The following LYPD6 variants were observed in gnomAD, a reference collection of about 807,000 sequenced individuals.
The protein encoded by LYPD6 is LY6/PLAUR domain containing 6.
LYPD6 carries 15 observed loss-of-function variants against 22.7 expected under a neutral mutation model. The observed-to-expected ratio is 0.66, with a 90% CI of 0.44 to 1.02. The LOEUF (loss-of-function observed/expected upper bound fraction) is 1.02, where lower values mean the gene tolerates loss of function less well. Among genes scored for constraint, LYPD6 ranks in the 50% least tolerant of loss-of-function variants. The pLI is 0.00. For missense variants in LYPD6, 189 were observed against 208.4 expected (o/e 0.91, Z 0.57); for synonymous variants, 72 against 77.5 (o/e 0.93, Z 0.37).
At chr2:149,443,681 A>G (rs951775325) in intron 2 of LYPD6, among the ~76,000 whole-genome samples, 1 of 152,148 alleles carries the variant, frequency 6.6e-6, no homozygotes, top group Non-Finnish European at 1.5e-5. Context: ...AATATCTGCA[A>G]GAGTATTGCA....
chr2:149,433,471 CCATA>C (rs1683361041), intron 1 of LYPD6, among the ~76,000 whole-genome samples: 1 of 152,088 alleles, frequency 6.6e-6, no homozygotes, highest in East Asian at 1.9e-4. Context: ...GGAGATATTG[CCATA>C]CAGTCAGGAA....
chr2:149,394,056 AGC>A (rs1393032611), intron 1 of LYPD6, among the ~76,000 whole-genome samples: 1 of 152,234 alleles, frequency 6.6e-6, no homozygotes, highest in African/African-American at 2.4e-5. Context: ...TTCGGTCATT[AGC>A]TTACACTGTC....
At chr2:149,346,675 A>G (rs963050531) in intron 1 of LYPD6, among the ~76,000 whole-genome samples, 2 of 152,204 alleles carry the variant, frequency 1.3e-5, no homozygotes, top group African/African-American at 4.8e-5. Flanking sequence ...CTTACTGACT[A>G]GTAAGTCTCT....
intron 1 of LYPD6, among the ~76,000 whole-genome samples, chr2:149,425,929 A>T (rs1683179614): frequency 6.6e-6 from 1 of 152,240 alleles, no homozygotes; most frequent in African/African-American, 2.4e-5. Flanking sequence ...AGCTGTCAGG[A>T]TACATACTGT....
At chr2:149,364,260 CT>C (rs1681620859) in intron 1 of LYPD6, among the ~76,000 whole-genome samples, 1 of 152,154 alleles carries the variant, frequency 6.6e-6, no homozygotes, top group Non-Finnish European at 1.5e-5. Flanking sequence ...ATTTGATTCT[CT>C]TTTTCCCTGT....
chr2:149,470,946 G>A lies in LYPD6; in HGVS notation c.*96G>A, dbSNP rs559151627. On this transcript the variant is annotated 3_prime_UTR_variant, in exon 5 of 5. Coordinates refer to ENST00000334166, the MANE Select transcript of LYPD6 (RefSeq NM_194317.5). Reference sequence around the variant, plus strand: ...TTGGCCTGACAGTAATTACACATGTGAGACACAACACTCTTGGAGGTCATC... The same window carrying A: ...TTGGCCTGACAGTAATTACACATGTAAGACACAACACTCTTGGAGGTCATC... 33 of 1,119,236 alleles carry A rather than the reference G, an allele frequency of 2.9e-5. No homozygotes were observed. The East Asian group carries it at 7.4e-4, about 25-fold the overall frequency. 69.3% of individuals were successfully genotyped at this position (1,119,236 alleles called of 1,614,324 possible).
chr2:149,468,904 G>GA, intron 4 of LYPD6, 129 bp downstream of exon 4: 1 of 887,310 alleles, frequency 1.1e-6, no homozygotes, highest in East Asian at 2.5e-5. Flanking sequence ...TATGCTCTAT[G>GA]AAAAGACGCT....
At chr2:149,481,683 A>G in the LYPD6 span, among the ~76,000 whole-genome samples, 1 of 152,238 alleles carries the variant, frequency 6.6e-6, no homozygotes, top group Non-Finnish European at 1.5e-5. Context: ...TCAAATGAGA[A>G]TAGTGCTAAA....
intron 1 of LYPD6, among the ~76,000 whole-genome samples, chr2:149,350,136 T>G (rs189020181): frequency 6.6e-6 from 1 of 152,294 alleles, no homozygotes; most frequent in Non-Finnish European, 1.5e-5. Flanking sequence ...AAAATGAACC[T>G]CATAAAAGAA....
intron 2 of LYPD6, among the ~76,000 whole-genome samples, chr2:149,440,901 T>A (rs1446776256): frequency 6.6e-6 from 1 of 151,714 alleles, no homozygotes. Context: ...AGAGACGGGT[T>A]TCACCGTGTT....
At chr2:149,425,933 A>T (rs572782590) in intron 1 of LYPD6, among the ~76,000 whole-genome samples, 14 of 152,362 alleles carry the variant, frequency 9.2e-5, no homozygotes, top group African/African-American at 3.4e-4. Context: ...GTCAGGATAC[A>T]TACTGTGTGT....
rs554548181 is a variant in LYPD6, at chr2:149,455,257, G to GT, written c.217+6129dup. Among the ~76,000 whole-genome samples, 1,143 of 127,986 alleles carry GT rather than the reference G, an allele frequency of 8.9e-3. 9 individuals are homozygous for GT. The highest frequency in any genetic ancestry group is 0.023 in the East Asian group (101 of 4,482). The allele number at this position is 127,986 out of a possible 152,430, so 84.0% of individuals were successfully genotyped here. On this transcript the variant is annotated intron_variant, in intron 3 of 4. Transcript: ENST00000334166. ...ATTAGTCTTAGAACTTTTCTAGCAA[G>GT]TTTTTTTTTTTTTTTTTTTGAGACA...
chr2:149,349,556 G>A (rs1269057200), intron 1 of LYPD6, among the ~76,000 whole-genome samples: 6 of 152,116 alleles, frequency 3.9e-5, no homozygotes, highest in African/African-American at 1.2e-4. Context: ...GTGTGGAAGC[G>A]GTAATACTTG....
chr2:149,458,606 C>T (rs1249829317), intron 3 of LYPD6, among the ~76,000 whole-genome samples: 2 of 152,122 alleles, frequency 1.3e-5, no homozygotes, highest in Non-Finnish European at 2.9e-5. Context: ...TAGACACCAA[C>T]ACCAAGATAA....
chr2:149,414,819 A>G (rs1472550318), intron 1 of LYPD6, among the ~76,000 whole-genome samples: 1 of 152,194 alleles, frequency 6.6e-6, no homozygotes, highest in Non-Finnish European at 1.5e-5. Flanking sequence ...TTAGCTTCTT[A>G]AGAGGCATTC....
At chr2:149,401,276 G>A (rs375668592) in intron 1 of LYPD6, among the ~76,000 whole-genome samples, 1 of 152,200 alleles carries the variant, frequency 6.6e-6, no homozygotes, top group South Asian at 2.1e-4. Context: ...ATGACCACCT[G>A]TATGGAATTC....
intron 1 of LYPD6, among the ~76,000 whole-genome samples, chr2:149,365,856 T>A (rs535537908): frequency 2.6e-5 from 4 of 152,272 alleles, no homozygotes; most frequent in African/African-American, 9.6e-5. Context: ...ACAACCAATT[T>A]TAATCTTGGG....
intron 1 of LYPD6, among the ~76,000 whole-genome samples, chr2:149,340,131 A>T (rs918041325): frequency 1.3e-5 from 2 of 152,182 alleles, no homozygotes; most frequent in Non-Finnish European, 2.9e-5. Flanking sequence ...CAATGCAGTT[A>T]GTGTGTTTTT....
intron 3 of LYPD6, among the ~76,000 whole-genome samples, chr2:149,452,679 C>T (rs942464499): frequency 1.3e-5 from 2 of 152,288 alleles, no homozygotes; most frequent in East Asian, 3.9e-4. Context: ...GTGCACACCC[C>T]AAATTGCTTA....
Sources: gnomAD v4.1 joint callset for allele counts (sites outside exome capture counted in the v4.1 genomes callset) on GRCh38, gnomAD v4.1.1 for gene constraint, MANE v1.5 for transcripts, NCBI Gene and HGNC (gene_info 2026-07-23, HGNC 2026-07-21) for gene names.